The following CCDC138 variants were observed in gnomAD, a reference collection of about 807,000 sequenced individuals.
CCDC138 encodes coiled-coil domain-containing protein 138.
In CCDC138, 66 loss-of-function variants were observed where a neutral mutation model predicts 82.3. That is an observed-to-expected ratio of 0.80 (90% CI 0.66 to 0.98). The LOEUF is 0.98. Among genes scored for constraint, CCDC138 ranks in the 50% least tolerant of loss-of-function variants. The pLI, the probability that CCDC138 is intolerant of heterozygous loss-of-function variation, is 0.00. For synonymous variants in CCDC138, 297 were observed against 265.4 expected (o/e 1.12, Z -1.16); for missense variants, 816 against 758.9 (o/e 1.08, Z -0.88).
intron 11 of CCDC138, among the ~76,000 whole-genome samples, chr2:108,844,370 G>A (rs1690087245): frequency 6.6e-6 from 1 of 151,870 alleles, no homozygotes; most frequent in South Asian, 2.1e-4. Flanking sequence ...GACTGTTATT[G>A]TATTTCCAGT....
At chr2:108,877,345 G>C (rs145204577), downstream of CCDC138, among the ~76,000 whole-genome samples, 14 of 151,838 alleles carry the variant, frequency 9.2e-5, no homozygotes, top group African/African-American at 2.9e-4. Flanking sequence ...GGGCACCTGT[G>C]ATCCTAGCTA....
chr2:108,864,920 C>T (rs1242246300), intron 13 of CCDC138, among the ~76,000 whole-genome samples: 2 of 151,672 alleles, frequency 1.3e-5, no homozygotes, highest in African/African-American at 2.4e-5. Flanking sequence ...ATTAACATGC[C>T]ACTGCACACC....
chr2:108,819,194 C>G (rs560003349), intron 10 of CCDC138, among the ~76,000 whole-genome samples: 1 of 152,130 alleles, frequency 6.6e-6, no homozygotes, highest in East Asian at 1.9e-4. Flanking sequence ...AGTTGAGAAG[C>G]TGCAGCACTC....
Position 108,810,857 on chromosome 2 carries a change from T to C in CCDC138, c.856-1774T>C, listed in dbSNP as rs1399640524. ...GAAACTTTTTACTACAATTCAATCTTGTTACTTATGATTGGTCTGTTCTAG... is the reference window on the plus strand; with the variant it reads ...GAAACTTTTTACTACAATTCAATCTCGTTACTTATGATTGGTCTGTTCTAG... On this transcript the variant is annotated intron_variant, in intron 7 of 14. Coordinates refer to ENST00000295124, the MANE Select transcript of CCDC138 (RefSeq NM_144978.3). Among the ~76,000 whole-genome samples, 3 of 152,192 alleles carry C rather than the reference T, an allele frequency of 2.0e-5. No individual in the cohort carries two copies. The East Asian group carries it at 5.8e-4, about 29-fold the overall frequency.
chr2:108,869,623 C>T (rs1694938230), intron 13 of CCDC138, among the ~76,000 whole-genome samples: 1 of 152,042 alleles, frequency 6.6e-6, no homozygotes, highest in African/African-American at 2.4e-5. Flanking sequence ...GATCTAAGGC[C>T]TTCAGAAGAA....
At chr2:108,833,881 C>T (rs1166734868) in intron 10 of CCDC138, among the ~76,000 whole-genome samples, 5 of 146,694 alleles carry the variant, frequency 3.4e-5, no homozygotes, top group Non-Finnish European at 7.4e-5. Flanking sequence ...GCGCCCGCTA[C>T]CACGCCCGGC....
chr2:108,838,184 T>C (rs886946888), intron 10 of CCDC138, among the ~76,000 whole-genome samples: 9 of 152,142 alleles, frequency 5.9e-5, no homozygotes, highest in Non-Finnish European at 7.3e-5. Flanking sequence ...TGGCTCTGAA[T>C]TGGTTAATTT....
chr2:108,863,404 G>A (rs566618241), intron 13 of CCDC138, among the ~76,000 whole-genome samples: 47 of 152,288 alleles, frequency 3.1e-4, no homozygotes, highest in African/African-American at 1.1e-3. Flanking sequence ...CAAAGGGTGT[G>A]CTGTACTTTA....
At chr2:108,823,130 T>C (rs1474103634) in intron 10 of CCDC138, among the ~76,000 whole-genome samples, 1 of 152,154 alleles carries the variant, frequency 6.6e-6, no homozygotes, top group East Asian at 1.9e-4. Context: ...GTCCAATGAT[T>C]AGTATCACTA....
chr2:108,802,754 T>A (rs959151359), intron 6 of CCDC138, among the ~76,000 whole-genome samples: 40 of 150,172 alleles, frequency 2.7e-4, no homozygotes, highest in African/African-American at 9.2e-4. Flanking sequence ...CAGTATGATA[T>A]CGGCTGTGGG....
At chr2:108,798,616 G>A in intron 6 of CCDC138, 30 bp downstream of exon 6, 2 of 1,499,534 alleles carry the variant, frequency 1.3e-6, no homozygotes, top group South Asian at 2.4e-5. Context: ...TTTTAGAGTG[G>A]TATATTTCTT....
At chr2:108,871,366 C>A (rs1695204492) in intron 13 of CCDC138, among the ~76,000 whole-genome samples, 1 of 68,948 alleles carries the variant, frequency 1.5e-5, no homozygotes, top group Admixed American at 2.0e-4. Flanking sequence ...AACCCCAACT[C>A]TATTAAAAAA....
chr2:108,868,423 A>G (rs1360714213), intron 13 of CCDC138, among the ~76,000 whole-genome samples: 1 of 152,222 alleles, frequency 6.6e-6, no homozygotes, highest in Non-Finnish European at 1.5e-5. Context: ...GTGACTCAAC[A>G]AAAGCACTGA....
At chr2:108,820,364 T>C (rs1224212305) in intron 10 of CCDC138, among the ~76,000 whole-genome samples, 1 of 152,160 alleles carries the variant, frequency 6.6e-6, no homozygotes, top group African/African-American at 2.4e-5. Context: ...ATATGTGTAA[T>C]GTAAGTCTTG....
chr2:108,804,939 T>A lies in CCDC138; in HGVS notation c.786T>A (p.Asn262Lys). Residue 262 changes from asparagine to lysine, a missense_variant, in exon 7 of 15, where the codon AAT becomes AAA. Coordinates refer to ENST00000295124, the MANE Select transcript of CCDC138 (RefSeq NM_144978.3). ...EHLTEVLKEK[N>K]KETKRLRSSF... ...TAACCGAAGTTCTTAAGGAAAAGAATAAAGAAACCAAGAGACTGAGGTCCT... is the reference window on the plus strand; with the variant it reads ...TAACCGAAGTTCTTAAGGAAAAGAAAAAAGAAACCAAGAGACTGAGGTCCT... 1.9e-6 allele frequency: 3 copies of A among 1,573,854 alleles called. No individual in the cohort carries two copies. In the South Asian group the frequency reaches 3.6e-5, roughly 19 times the overall value.
intron 10 of CCDC138, among the ~76,000 whole-genome samples, chr2:108,838,603 T>C (rs955290645): frequency 1.3e-5 from 2 of 152,166 alleles, no homozygotes; most frequent in Admixed American, 6.6e-5. Flanking sequence ...AATGATATAC[T>C]TTTGAAGCAA....
rs752403102 is a variant in CCDC138, at chr2:108,815,987, A to G, written c.1088A>G (p.Asp363Gly). The G allele has an allele frequency of 5.6e-6, 9 of 1,613,400 alleles. No individual in the cohort carries two copies. The highest frequency in any genetic ancestry group is 8.5e-7 in the Non-Finnish European group (1 of 1,179,490). ...QVYELLTVFM[D>G]WISDHHLSKV... Reference sequence around the variant, plus strand: ...TATGAACTTTTAACTGTCTTCATGGACTGGATTTCGGATCATCATCTTAGC... The same window carrying G: ...TATGAACTTTTAACTGTCTTCATGGGCTGGATTTCGGATCATCATCTTAGC... Residue 363 changes from aspartate (D) to glycine (G), a missense_variant, in exon 10 of 15, where the codon GAC (aspartate) becomes GGC (glycine). Physicochemically the swap from Asp to Gly is moderately conservative, Grantham distance 94. Coordinates refer to ENST00000295124, the MANE Select transcript of CCDC138 (RefSeq NM_144978.3).
chr2:108,812,771 C>T, intron 8 of CCDC138, 49 bp from the exon 9 acceptor site: 1 of 1,611,202 alleles, frequency 6.2e-7, no homozygotes, highest in Non-Finnish European at 8.5e-7. Context: ...TTTGAGTTTA[C>T]TCATTTAGAT....
At chr2:108,864,896 C>T (rs1051980588) in intron 13 of CCDC138, among the ~76,000 whole-genome samples, 9 of 151,278 alleles carry the variant, frequency 5.9e-5, no homozygotes, top group Non-Finnish European at 1.3e-4. Flanking sequence ...TGGAGTTCAA[C>T]GTTGTACTGA....
Sources: gnomAD v4.1 joint callset for allele counts (sites outside exome capture counted in the v4.1 genomes callset) on GRCh38, gnomAD v4.1.1 for gene constraint, MANE v1.5 for transcripts, NCBI Gene and HGNC (gene_info 2026-07-23, HGNC 2026-07-21) for gene names.